Variants in PPIF observed in about 807,000 individuals in gnomAD.
PPIF encodes the protein peptidylprolyl isomerase F.
Under a neutral mutation model 20.2 loss-of-function variants are expected in PPIF, and 23 were observed. The observed-to-expected ratio is 1.14, with a 90% CI of 0.82 to 1.61. The LOEUF (loss-of-function observed/expected upper bound fraction) is 1.61. Among genes scored for constraint, PPIF ranks in the 40% most tolerant of loss-of-function variants. PPIF has a pLI of 0.00. For missense variants in PPIF, 287 were observed against 291.6 expected (o/e 0.98, Z 0.11); for synonymous variants, 113 against 123.1 (o/e 0.92, Z 0.54).
Position 79,353,719 on chromosome 10 carries a change from G to A in PPIF, c.501G>A (p.Lys167=). ...CCCGTCCTCACAGGTTGGATGGCAA[G>A]CATGTTGTGTTCGGTCACGTCAAAG... ...CTIKTDWLDG[K]HVVFGHVKEG... The change falls in exon 6 of 6, where the codon AAG becomes AAA. Residue 167 remains lysine (K), a synonymous_variant. Coordinates refer to ENST00000225174, the MANE Select transcript of PPIF (RefSeq NM_005729.4). The A allele has an allele frequency of 6.2e-7, 1 of 1,614,242 alleles. No individual in the cohort carries two copies. The highest frequency in any genetic ancestry group is 1.3e-5 in the African/African-American group (1 of 75,066).
In PPIF at chr10:79,351,520, G is replaced by T; in HGVS notation, c.349G>T (p.Gly117Trp). 4 of 1,614,082 alleles carry T rather than the reference G, an allele frequency of 2.5e-6. No homozygotes were observed. The highest frequency in any genetic ancestry group is 3.4e-6 in the Non-Finnish European group (4 of 1,179,982). The stretch of plus-strand genomic sequence containing the variant: ...CTTCACCAACCACAATGGCACAGGC[G>T]GGAAGTCCATCTACGGAAGCCGCTT... ...GDFTNHNGTG[G>W]KSIYGSRFPD... The change falls in exon 4 of 6, where the codon GGG becomes TGG. Residue 117 changes from glycine (G) to tryptophan (W), a missense_variant. Physicochemically the swap from Gly to Trp is radical, Grantham distance 184. Transcript: ENST00000225174.
Position 79,352,403 on chromosome 10 carries a change from T to G in PPIF, c.488+11T>G. Reference sequence around the variant, plus strand: ...CATAAAGACAGACTGGTGAGTTCCCTGCCCCAGGCCCTCTGGGAATGCGGG... The same window carrying G: ...CATAAAGACAGACTGGTGAGTTCCCGGCCCCAGGCCCTCTGGGAATGCGGG... On this transcript the variant is annotated intron_variant, in intron 5 of 5. Coordinates refer to ENST00000225174, the MANE Select transcript of PPIF (RefSeq NM_005729.4). The G allele has an allele frequency of 6.2e-7, 1 of 1,611,920 alleles. No homozygotes were observed. Among genetic ancestry groups the G allele is most frequent in the Non-Finnish European group, 8.5e-7 (1 of 1,177,956 alleles).
chr10:79,349,093 C>G lies in PPIF; in HGVS notation c.213C>G (p.Val71=). ...RVVLELKADV[V]PKTAENFRAL... ...CCCAACAGCTGAAGGCAGATGTCGT[C>G]CCAAAGACAGCTGGTAAGACAGGGC... The change falls in exon 2 of 6, where the codon GTC becomes GTG. Residue 71 remains valine, a synonymous_variant. Coordinates refer to ENST00000225174, the MANE Select transcript of PPIF (RefSeq NM_005729.4). 6.2e-7 allele frequency: 1 copy of G among 1,614,026 alleles called. No homozygotes were observed. Among genetic ancestry groups the G allele is most frequent in the Admixed American group, 1.7e-5 (1 of 60,032 alleles).
At position 79,347,596 on chromosome 10, in the gene PPIF, C is replaced by A; in HGVS notation, c.48C>A (p.Val16=). 1.4e-6 allele frequency: 2 copies of A among 1,424,910 alleles called. No homozygotes were observed. Among genetic ancestry groups the A allele is most frequent in the Non-Finnish European group, 1.8e-6 (2 of 1,086,522 alleles). 88.3% of individuals were successfully genotyped at this position (1,424,910 alleles called of 1,614,324 possible). The change falls in exon 1 of 6, where the codon GTC becomes GTA. Residue 16 remains valine (V), a synonymous_variant. Coordinates refer to ENST00000225174, the MANE Select transcript of PPIF (RefSeq NM_005729.4). ...CGSRWLGLLS[V]PRSVPLRLPA... ...CCCGCTGGCTCGGCCTGCTCTCCGTCCCGCGCTCCGTGCCGCTGCGCCTCC... is the reference window on the plus strand; with the variant it reads ...CCCGCTGGCTCGGCCTGCTCTCCGTACCGCGCTCCGTGCCGCTGCGCCTCC...
At chr10:79,349,512 A>G (rs1050535476) in intron 2 of PPIF, among the ~76,000 whole-genome samples, 153 bp from the exon 3 acceptor site, 1 of 152,232 alleles carries the variant, frequency 6.6e-6, no homozygotes, top group Non-Finnish European at 1.5e-5. Context: ...GTCCAGTTAC[A>G]TAGCGAGTTG....
At chr10:79,351,443 GC>G in intron 3 of PPIF, 43 bp from the exon 4 acceptor site, 1 of 1,597,756 alleles carries the variant, frequency 6.3e-7, no homozygotes, top group Non-Finnish European at 8.6e-7. Context: ...CGTGGCCCCC[GC>G]CTGCTCCATG....
At chr10:79,352,908 A>G (rs1283619928) in intron 5 of PPIF, among the ~76,000 whole-genome samples, 1 of 152,260 alleles carries the variant, frequency 6.6e-6, no homozygotes, top group African/African-American at 2.4e-5. Flanking sequence ...CCTGTTTTCA[A>G]TGCCCATGGA....
At position 79,347,485 on chromosome 10, in the gene PPIF, G is replaced by T; in HGVS notation, c.-64G>T. Reference sequence around the variant, plus strand: ...CTGCGCGGGACTCGGCCTTCTGGGCGCGCGCGACGTCAGTTTGAGTTCTGT... The same window carrying T: ...CTGCGCGGGACTCGGCCTTCTGGGCTCGCGCGACGTCAGTTTGAGTTCTGT... On this transcript the variant is annotated 5_prime_UTR_variant, in exon 1 of 6. Coordinates refer to ENST00000225174, the MANE Select transcript of PPIF (RefSeq NM_005729.4). 2.4e-6 allele frequency: 3 copies of T among 1,252,016 alleles called. No individual in the cohort carries two copies. Among genetic ancestry groups the T allele is most frequent in the Non-Finnish European group, 3.0e-6 (3 of 998,954 alleles). 77.6% of individuals were successfully genotyped at this position (1,252,016 alleles called of 1,614,324 possible).
chr10:79,351,729 C>T, intron 4 of PPIF, 146 bp downstream of exon 4: 1 of 677,598 alleles, frequency 1.5e-6, no homozygotes, highest in Non-Finnish European at 2.4e-6. Context: ...GCTGTCTCAG[C>T]ATTTCTGGCT....
intron 2 of PPIF, 27 bp downstream of exon 2, chr10:79,349,133 G>T: frequency 6.2e-7 from 1 of 1,613,912 alleles, no homozygotes; most frequent in Non-Finnish European, 8.5e-7. Flanking sequence ...GGCCTTCTGA[G>T]ATGGGTCTAG....
Position 79,349,069 on chromosome 10 carries a change from C to G in PPIF, c.196-7C>G, listed in dbSNP as rs766214903. ...CATCCTCTTTTGTCCTTCTTCTCCC[C>G]CAACAGCTGAAGGCAGATGTCGTCC... On this transcript the variant is annotated splice_region_variant and splice_polypyrimidine_tract_variant and intron_variant, in intron 1 of 5. Coordinates refer to ENST00000225174, the MANE Select transcript of PPIF (RefSeq NM_005729.4). 1.7e-5 allele frequency: 27 copies of G among 1,613,852 alleles called. No individual in the cohort carries two copies. Among genetic ancestry groups the G allele is most frequent in the Non-Finnish European group, 2.1e-5 (25 of 1,180,006 alleles).
intron 3 of PPIF, among the ~76,000 whole-genome samples, chr10:79,350,937 G>A (rs1330785532): frequency 2.6e-5 from 4 of 152,216 alleles, no homozygotes; most frequent in Non-Finnish European, 4.4e-5. Context: ...GTTTGGCCAC[G>A]GCTGCCTGGG....
At chr10:79,347,920 C>T (rs888887565) in intron 1 of PPIF, among the ~76,000 whole-genome samples, 177 bp downstream of exon 1, 1 of 152,158 alleles carries the variant, frequency 6.6e-6, no homozygotes, top group African/African-American at 2.4e-5. Context: ...TCCGGCCTCC[C>T]TCGGAGCACT....
In PPIF at chr10:79,352,355, G is replaced by A. The variant is rs776540714; in HGVS notation, c.451G>A (p.Gly151Ser). ...GGCTAATGCTGGTCCTAACACCAAC[G>A]GCTCCCAGTTCTTCATCTGCACCAT... ...SMANAGPNTN[G>S]SQFFICTIKT... The change falls in exon 5 of 6, where the codon GGC becomes AGC. Residue 151 changes from glycine (G) to serine (S), a missense_variant. Coordinates refer to ENST00000225174, the MANE Select transcript of PPIF (RefSeq NM_005729.4). The A allele has an allele frequency of 3.1e-6, 5 of 1,614,192 alleles. No homozygotes were observed. Among genetic ancestry groups the A allele is most frequent in the South Asian group, 1.1e-5 (1 of 91,082 alleles).
chr10:79,352,188 C>T, intron 4 of PPIF, 129 bp from the exon 5 acceptor site: 1 of 800,110 alleles, frequency 1.2e-6, no homozygotes, highest in Non-Finnish European at 2.1e-6. Flanking sequence ...CCCTGGTTCT[C>T]CTCTTCTGGG....
intron 1 of PPIF, among the ~76,000 whole-genome samples, chr10:79,348,191 G>A (rs767723068): frequency 3.3e-5 from 5 of 152,150 alleles, no homozygotes; most frequent in Non-Finnish European, 7.4e-5. Context: ...CCCTGCGGTC[G>A]GGCTCACACT....
At chr10:79,348,404 CT>C (rs1452959658) in intron 1 of PPIF, among the ~76,000 whole-genome samples, 1 of 152,156 alleles carries the variant, frequency 6.6e-6, no homozygotes, top group Non-Finnish European at 1.5e-5. Flanking sequence ...GTTTTTGGGT[CT>C]TTTCTAAAGC....
intron 4 of PPIF, chr10:79,351,849 G>C: frequency 2.3e-6 from 1 of 439,550 alleles, no homozygotes; most frequent in Non-Finnish European, 4.1e-6. Flanking sequence ...CCACCTCCCT[G>C]TTTGTCCTCT....
chr10:79,351,464 C>A, intron 3 of PPIF, 23 bp from the exon 4 acceptor site: 2 of 1,612,548 alleles, frequency 1.2e-6, no homozygotes, highest in South Asian at 1.1e-5. Flanking sequence ...GGTAGCCACT[C>A]AGAAGGTGCT....
Sources: allele counts gnomAD v4.1 joint callset (sites outside exome capture counted in the v4.1 genomes callset), GRCh38; gene constraint gnomAD v4.1.1; transcripts MANE v1.5; gene names NCBI Gene and HGNC (gene_info 2026-07-23, HGNC 2026-07-21).